CDIN1: variants seen among roughly 807,000 people sequenced by gnomAD.
The protein encoded by CDIN1 is CDAN1 interacting nuclease 1.
A neutral mutation model predicts 45.3 loss-of-function variants in CDIN1; 33 were observed. The ratio of observed to expected loss-of-function variants is 0.73; its 90% CI spans 0.55 to 0.97. CDIN1 has a LOEUF of 0.97. CDIN1 is among the 50% of genes least tolerant of loss of function. CDIN1 has a pLI of 0.00. For synonymous variants in CDIN1, 118 were observed against 124.4 expected (o/e 0.95, Z 0.34); for missense variants, 303 against 339.4 (o/e 0.89, Z 0.84).
At position 36,773,840 on chromosome 15, in the gene CDIN1, G is replaced by T. The variant is rs1296931980; in HGVS notation, c.717-34484G>T. Among the ~76,000 whole-genome samples, 3 of 152,296 alleles carry T rather than the reference G, an allele frequency of 2.0e-5. No homozygotes were observed. In the East Asian group the frequency reaches 5.8e-4, roughly 29 times the overall value. Reference sequence around the variant, plus strand: ...GATAAACCCTTCAGGGTGTTTAAAGGTGCTCCTGTAATGTCAGCTGCTATT... The same window carrying T: ...GATAAACCCTTCAGGGTGTTTAAAGTTGCTCCTGTAATGTCAGCTGCTATT... On this transcript the variant is annotated intron_variant, in intron 10 of 10. Coordinates refer to ENST00000566621, the MANE Select transcript of CDIN1 (RefSeq NM_001321759.2).
chr15:36,749,149 A>G (rs971377518), intron 10 of CDIN1, among the ~76,000 whole-genome samples: 2 of 151,750 alleles, frequency 1.3e-5, no homozygotes, highest in African/African-American at 4.9e-5. Context: ...ATGATGTTTG[A>G]CAACTGGAAT....
At chr15:36,775,086 C>T (rs972717078) in intron 10 of CDIN1, among the ~76,000 whole-genome samples, 11 of 152,160 alleles carry the variant, frequency 7.2e-5, no homozygotes, top group African/African-American at 2.4e-4. Context: ...TGACACATGT[C>T]GCAGAGAAAC....
At chr15:36,793,242 G>A (rs924707267) in intron 10 of CDIN1, among the ~76,000 whole-genome samples, 4 of 152,086 alleles carry the variant, frequency 2.6e-5, no homozygotes, top group African/African-American at 9.7e-5. Context: ...GAGAGTCCCT[G>A]AAAGACAGGA....
chr15:36,788,275 C>A (rs1407504183), intron 10 of CDIN1, among the ~76,000 whole-genome samples: 2 of 151,512 alleles, frequency 1.3e-5, no homozygotes, highest in Admixed American at 1.3e-4. Flanking sequence ...CGCCACCACA[C>A]CTGGCCAATT....
intron 10 of CDIN1, among the ~76,000 whole-genome samples, chr15:36,793,717 A>G (rs1018656027): frequency 2.6e-5 from 4 of 152,154 alleles, no homozygotes; most frequent in African/African-American, 9.6e-5. Flanking sequence ...ATTTCCTGCA[A>G]TTGTCTGATA....
At chr15:36,652,898 T>G (rs533457226) in intron 3 of CDIN1, among the ~76,000 whole-genome samples, 1 of 152,350 alleles carries the variant, frequency 6.6e-6, no homozygotes, top group East Asian at 1.9e-4. Flanking sequence ...CCAGAGCTTA[T>G]TCACTTAAAT....
chr15:36,766,495 G>A (rs989830078), intron 10 of CDIN1, among the ~76,000 whole-genome samples: 21 of 152,300 alleles, frequency 1.4e-4, no homozygotes, highest in African/African-American at 5.1e-4. Flanking sequence ...ATTTTTCATA[G>A]TGGATGTACC....
chr15:36,794,029 C>A (rs67728515), intron 10 of CDIN1, among the ~76,000 whole-genome samples: 119,692 of 140,168 alleles, frequency 0.85, 54,623 homozygotes, highest in Non-Finnish European at 1. Flanking sequence ...AAAAAAAAAA[C>A]CCCACATAAT....
intron 1 of CDIN1, among the ~76,000 whole-genome samples, chr15:36,581,339 CT>C (rs1466660710): frequency 1.3e-5 from 2 of 151,820 alleles, no homozygotes; most frequent in Non-Finnish European, 2.9e-5. Context: ...CTTTTTCGTT[CT>C]TTTCTCTAGC....
Position 36,620,277 on chromosome 15 carries a change from G to C in CDIN1, c.102-24001G>C, listed in dbSNP as rs541980399. On this transcript the variant is annotated intron_variant, in intron 1 of 10. Transcript: ENST00000566621. ...GAGGCAGGAGAATGGCGTGACACCGGGGGGCGGAGCTTGCAGTGAGCCGAG... is the reference window on the plus strand; with the variant it reads ...GAGGCAGGAGAATGGCGTGACACCGCGGGGCGGAGCTTGCAGTGAGCCGAG... Among the ~76,000 whole-genome samples, 22 of 152,194 alleles carry C rather than the reference G, an allele frequency of 1.4e-4. No homozygotes were observed. In the South Asian group the frequency reaches 4.2e-3, roughly 29 times the overall value.
chr15:36,658,548 G>A (rs191106148), intron 5 of CDIN1, among the ~76,000 whole-genome samples: 52 of 152,210 alleles, frequency 3.4e-4, no homozygotes, highest in African/African-American at 1.3e-3. Flanking sequence ...CTCAGTGCTG[G>A]CTCTTTTACT....
At chr15:36,687,770 C>T (rs1330163817) in intron 5 of CDIN1, among the ~76,000 whole-genome samples, 1 of 152,070 alleles carries the variant, frequency 6.6e-6, no homozygotes, top group Non-Finnish European at 1.5e-5. Context: ...ACCTACTAGA[C>T]ATATCTGAAC....
At chr15:36,768,406 C>T (rs1429650189) in intron 10 of CDIN1, among the ~76,000 whole-genome samples, 1 of 152,206 alleles carries the variant, frequency 6.6e-6, no homozygotes, top group Non-Finnish European at 1.5e-5. Flanking sequence ...ACAGACAGAT[C>T]CTTCCACTCA....
chr15:36,580,455 G>A (rs188182820), intron 1 of CDIN1, among the ~76,000 whole-genome samples: 1 of 152,278 alleles, frequency 6.6e-6, no homozygotes, highest in Admixed American at 6.5e-5. Flanking sequence ...GACCTCAAGG[G>A]TTCTCAATCC....
chr15:36,702,246 G>A (rs2042672100), intron 8 of CDIN1: 1 of 649,194 alleles, frequency 1.5e-6, no homozygotes, highest in Non-Finnish European at 2.8e-6. Context: ...TGAAATTGAG[G>A]GTGGGAGGTG....
At chr15:36,710,074 TAC>T (rs1013525126) in intron 10 of CDIN1, 113 bp downstream of exon 10, 4 of 658,326 alleles carry the variant, frequency 6.1e-6, no homozygotes, top group Non-Finnish European at 7.4e-6. Flanking sequence ...TTCTAGTAAA[TAC>T]AGAGTTTTGA....
At chr15:36,646,186 G>GA (rs1294595788) in intron 3 of CDIN1, among the ~76,000 whole-genome samples, 1 of 152,102 alleles carries the variant, frequency 6.6e-6, no homozygotes, top group African/African-American at 2.4e-5. Context: ...ACTGATTTTA[G>GA]ATGAATGATT....
chr15:36,614,532 C>G lies in CDIN1; in HGVS notation c.102-29746C>G, dbSNP rs202132095. ...TTGTAGCAACCATTTGTCAAACATT[C>G]CAAATAATTCCACAGCCCTGAAGCA... On this transcript the variant is annotated intron_variant, in intron 1 of 10. Transcript: ENST00000566621. 8.5e-5 allele frequency among the ~76,000 whole-genome samples: 13 copies of G among 152,312 alleles called. No individual in the cohort carries two copies. The East Asian group carries it at 2.5e-3, about 29-fold the overall frequency.
At position 36,636,876 on chromosome 15, in the gene CDIN1, AAG is replaced by A. The variant is rs1279449741; in HGVS notation, c.102-7399_102-7398del. On this transcript the variant is annotated intron_variant, in intron 1 of 10. Transcript: ENST00000566621. The stretch of plus-strand genomic sequence containing the variant: ...AGAGTGATTATTAAAAGAATAGTAA[AAG>A]AGTATGTAACTTTTAAGTTGCAAGA... Among the ~76,000 whole-genome samples, 9 of 152,236 alleles carry A rather than the reference AAG, an allele frequency of 5.9e-5. No homozygotes were observed. In the East Asian group the frequency reaches 1.5e-3, roughly 26 times the overall value.
Sources: gnomAD v4.1 joint callset for allele counts (sites outside exome capture counted in the v4.1 genomes callset) on GRCh38, gnomAD v4.1.1 for gene constraint, MANE v1.5 for transcripts, NCBI Gene and HGNC (gene_info 2026-07-23, HGNC 2026-07-21) for gene names.